The following BCAS3 variants were observed in gnomAD, a reference collection of about 807,000 sequenced individuals.
The protein encoded by BCAS3 is BCAS3 microtubule associated cell migration factor.
In BCAS3, 53 loss-of-function variants were observed where a neutral mutation model predicts 116.1. That is an observed-to-expected ratio of 0.46 (90% CI 0.37 to 0.57). The LOEUF is 0.57. BCAS3 is among the 20% of genes least tolerant of loss of function. The probability of loss-of-function intolerance (pLI) is 0.00; values close to 1 mark genes in which losing one functional copy is unlikely to be tolerated. For missense variants in BCAS3, 917 were observed against 1,165.4 expected (o/e 0.79, Z 3.10); for synonymous variants, 391 against 408.2 (o/e 0.96, Z 0.51).
chr17:60,880,086 A>G (rs1599381015), intron 9 of BCAS3, among the ~76,000 whole-genome samples: 1 of 152,318 alleles, frequency 6.6e-6, no homozygotes, highest in South Asian at 2.1e-4. Context: ...TGACTTTTTC[A>G]TTCTCTGCAC....
chr17:61,160,417 T>C (rs897309300), intron 22 of BCAS3, among the ~76,000 whole-genome samples: 1 of 152,124 alleles, frequency 6.6e-6, no homozygotes, highest in Non-Finnish European at 1.5e-5. Context: ...ACTGATCTAA[T>C]AGAACTTGCT....
chr17:61,283,394 A>G (rs1261745353), intron 22 of BCAS3, among the ~76,000 whole-genome samples: 1 of 152,172 alleles, frequency 6.6e-6, no homozygotes, highest in Non-Finnish European at 1.5e-5. Context: ...AGCGATGATG[A>G]AGGGAAGACC....
chr17:60,765,012 C>T (rs1285222929), intron 6 of BCAS3, among the ~76,000 whole-genome samples: 1 of 152,058 alleles, frequency 6.6e-6, no homozygotes, highest in Non-Finnish European at 1.5e-5. Context: ...AGGATTGCAA[C>T]CCCTGCTTTT....
At chr17:60,882,922 C>T (rs1248504925) in intron 9 of BCAS3, among the ~76,000 whole-genome samples, 43 of 114,300 alleles carry the variant, frequency 3.8e-4, no homozygotes, top group South Asian at 1.8e-3. Flanking sequence ...CTTGGCAATG[C>T]GGGCTCTTTT....
chr17:61,244,149 A>G lies in BCAS3; in HGVS notation c.2426-124178A>G, dbSNP rs568273250. On this transcript the variant is annotated intron_variant, in intron 22 of 23. Coordinates refer to ENST00000407086, the MANE Select transcript of BCAS3 (RefSeq NM_017679.5). The surrounding 1 kb of genome is among the most constrained non-coding windows in gnomAD (Gnocchi z 4.9). ...AACCTCTTTTTTTAACTCAAGTAAT[A>G]CATATTTATTATTTAAAAAGCTTAA... Among the ~76,000 whole-genome samples the G allele has an allele frequency of 8.5e-5, 13 of 152,356 alleles. No individual in the cohort carries two copies. Among genetic ancestry groups the G allele is most frequent in the African/African-American group, 3.1e-4 (13 of 41,590 alleles).
rs1165192876 is a variant in BCAS3 at position 60,964,037 on chromosome 17, G to A, written c.1221+16685G>A. ...TGGTTGCTCTTTATTTCTTTCTCTT[G>A]CCTAATTGCTCTGGCCAGGACTGGC... On this transcript the variant is annotated intron_variant, in intron 14 of 23. Transcript: ENST00000407086. This position sits in a 1 kb window ranked among gnomAD's most constrained non-coding sequence, Gnocchi z 4.6. Among the ~76,000 whole-genome samples the A allele has an allele frequency of 1.3e-5, 2 of 152,028 alleles. No individual in the cohort carries two copies. The highest frequency in any genetic ancestry group is 2.9e-5 in the Non-Finnish European group (2 of 68,008).
intron 22 of BCAS3, among the ~76,000 whole-genome samples, chr17:61,299,460 A>G (rs923661897): frequency 7.6e-5 from 11 of 145,290 alleles, no homozygotes; most frequent in Admixed American, 3.4e-4. Flanking sequence ...AAAAAAAAAA[A>G]AAAAAAGAAA....
At chr17:60,698,742 T>C (rs977151713) in intron 4 of BCAS3, among the ~76,000 whole-genome samples, 1 of 151,964 alleles carries the variant, frequency 6.6e-6, no homozygotes, top group African/African-American at 2.4e-5. Context: ...TAAAATGAAG[T>C]TGACCTCTCT....
At chr17:61,157,098 C>T (rs1286864707) in intron 22 of BCAS3, among the ~76,000 whole-genome samples, 1 of 152,150 alleles carries the variant, frequency 6.6e-6, no homozygotes. Context: ...TTAATTTTAA[C>T]TTTTCTTTCC....
chr17:61,084,523 C>T lies in BCAS3; in HGVS notation c.2384C>T (p.Ser795Phe). Residue 795 changes from serine to phenylalanine, a missense_variant, in exon 22 of 24, where the codon TCT (serine) becomes TTT (phenylalanine). Transcript: ENST00000407086. This position sits in a 1 kb window ranked among gnomAD's most constrained non-coding sequence, Gnocchi z 5.5. ...VSMPGSSRPV[S>F]DRRGVSTVID... ...ATGCCAGGGTCATCCCGTCCAGTCT[C>T]TGATCGAAGGGGAGTTTCCACAGTG... 6.2e-7 allele frequency: 1 copy of T among 1,614,176 alleles called. No individual in the cohort carries two copies.
intron 12 of BCAS3, among the ~76,000 whole-genome samples, chr17:60,912,774 G>C (rs1036476763): frequency 1.3e-5 from 2 of 151,896 alleles, no homozygotes; most frequent in Non-Finnish European, 2.9e-5. Flanking sequence ...TTGATTTTTT[G>C]ATTTTTAATT....
intron 7 of BCAS3, among the ~76,000 whole-genome samples, chr17:60,848,774 T>G (rs565969989): frequency 6.6e-6 from 1 of 151,838 alleles, no homozygotes; most frequent in African/African-American, 2.4e-5. Context: ...TCATAGCTCA[T>G]TGCAGCCTTG....
In BCAS3 at chr17:61,286,016, T is replaced by C. The variant is rs770452817; in HGVS notation, c.2426-82311T>C. ...ACCAGCCCCAGGCTTTGACTGTCAA[T>C]ATCATGACACCTTTTTACTCATGGA... On this transcript the variant is annotated intron_variant, in intron 22 of 23. Transcript: ENST00000407086. The surrounding 1 kb of genome is among the most constrained non-coding windows in gnomAD (Gnocchi z 4.8). Among the ~76,000 whole-genome samples, 21 of 152,314 alleles carry C rather than the reference T, an allele frequency of 1.4e-4. No individual in the cohort carries two copies. The highest frequency in any genetic ancestry group is 9.2e-4 in the Admixed American group (14 of 15,296).
intron 22 of BCAS3, among the ~76,000 whole-genome samples, chr17:61,252,261 G>A (rs751854888): frequency 1.3e-5 from 2 of 152,182 alleles, no homozygotes; most frequent in Non-Finnish European, 2.9e-5. Flanking sequence ...AAGAGCGCTT[G>A]TAAAGGAAAG....
chr17:61,216,516 G>GTTTATTTTAT (rs3032587), intron 22 of BCAS3, among the ~76,000 whole-genome samples: 30,622 of 145,212 alleles, frequency 0.21, 3,711 homozygotes, highest in African/African-American at 0.33. Flanking sequence ...ATAAGTATGT[G>GTTTATTTTAT]TTTATTTTAT....
chr17:61,269,219 A>G (rs142597506), intron 22 of BCAS3, among the ~76,000 whole-genome samples: 3,010 of 151,576 alleles, frequency 0.02, 93 homozygotes, highest in African/African-American at 0.067. Flanking sequence ...GGTTCAAGCA[A>G]TTCTCCTGCC....
chr17:61,049,730 C>CTTTTTTTTTTTTTT (rs1027378849), intron 19 of BCAS3, among the ~76,000 whole-genome samples: 3 of 120,820 alleles, frequency 2.5e-5, no homozygotes, highest in African/African-American at 7.1e-5. Context: ...CTTTTCTTTT[C>CTTTTTTTTTTTTTT]TTTTTTTTTT....
intron 13 of BCAS3, among the ~76,000 whole-genome samples, chr17:60,943,778 A>C (rs935944423): frequency 1.3e-5 from 2 of 152,164 alleles, no homozygotes; most frequent in Non-Finnish European, 2.9e-5. Flanking sequence ...AAACTTTAAC[A>C]AATGTAAAAG....
chr17:60,992,082 G>A (rs1329944244), intron 15 of BCAS3, among the ~76,000 whole-genome samples: 5 of 151,830 alleles, frequency 3.3e-5, no homozygotes, highest in African/African-American at 7.3e-5. Flanking sequence ...ATGTGTGTAC[G>A]TGTATTTGAG....
Sources: gnomAD v4.1 joint callset for allele counts (sites outside exome capture counted in the v4.1 genomes callset) on GRCh38, gnomAD v4.1.1 for gene constraint, Gnocchi (gnomAD v3.1) non-coding constraint, MANE v1.5 for transcripts, NCBI Gene and HGNC (gene_info 2026-07-23, HGNC 2026-07-21) for gene names.